ABHD2: variants seen among roughly 807,000 people sequenced by gnomAD.
ABHD2 encodes the protein monoacylglycerol lipase ABHD2.
ABHD2 carries 20 observed loss-of-function variants against 48.1 expected under a neutral mutation model. The observed-to-expected ratio is 0.42, with a 90% confidence interval of 0.29 to 0.60. The LOEUF (loss-of-function observed/expected upper bound fraction) is 0.60. Among genes scored for constraint, ABHD2 ranks in the 20% least tolerant of loss-of-function variants. ABHD2 has a pLI of 0.24. For missense variants in ABHD2, 405 were observed against 550.9 expected (o/e 0.74, Z 2.65); for synonymous variants, 209 against 214.2 (o/e 0.98, Z 0.21).
rs2051007474 is a variant in ABHD2 at position 89,176,045 on chromosome 15, A to G, written c.722+50A>G. ...GGGCCTTCAGTTAGCCCTTATTTAT[A>G]GAGATGCCCCGACGCACAACACACT... is the stretch of plus-strand genomic sequence containing the variant. On this transcript the variant is annotated intron_variant, in intron 6 of 10. Coordinates refer to ENST00000352732, the MANE Select transcript of ABHD2 (RefSeq NM_152924.5). The surrounding 1 kb of genome is among the most constrained non-coding windows in gnomAD (Gnocchi z 4.5). 4.6e-6 allele frequency: 7 copies of G among 1,522,698 alleles called. No homozygotes were observed. The highest frequency in any genetic ancestry group is 6.2e-6 in the Non-Finnish European group (7 of 1,128,020). The allele number at this position is 1,522,698 out of a possible 1,614,324, so 94.3% of individuals were successfully genotyped here.
the ABHD2 span, among the ~76,000 whole-genome samples, chr15:89,060,478 C>A: frequency 3.1e-4 from 47 of 152,082 alleles, 1 homozygote; most frequent in African/African-American, 1.1e-3. Context: ...CCATGAAGAA[C>A]ACAGATATAA....
intron 1 of ABHD2, among the ~76,000 whole-genome samples, chr15:89,111,263 GA>G (rs759640433): frequency 1.3e-5 from 2 of 152,146 alleles, no homozygotes; most frequent in East Asian, 3.9e-4. Flanking sequence ...TTGGGAAATA[GA>G]AAAAAAGAAG....
chr15:89,122,868 T>G (rs2050073656), intron 3 of ABHD2, among the ~76,000 whole-genome samples: 1 of 152,190 alleles, frequency 6.6e-6, no homozygotes, highest in African/African-American at 2.4e-5. Context: ...AGGAGTGTGA[T>G]GGAGGACTTG....
chr15:89,158,907 A>C (rs2050717424), intron 5 of ABHD2, among the ~76,000 whole-genome samples: 1 of 151,552 alleles, frequency 6.6e-6, no homozygotes, highest in East Asian at 2.0e-4. Flanking sequence ...CAAGTGATCC[A>C]CCCACTTCGC....
the ABHD2 span, among the ~76,000 whole-genome samples, chr15:89,072,029 C>G: frequency 6.6e-6 from 1 of 152,210 alleles, no homozygotes; most frequent in South Asian, 2.1e-4. Context: ...ACTGGGATAG[C>G]TGGTCACCCA....
chr15:89,185,333 C>A lies in ABHD2; in HGVS notation c.723-91C>A. On this transcript the variant is annotated intron_variant, in intron 6 of 10. Coordinates refer to ENST00000352732, the MANE Select transcript of ABHD2 (RefSeq NM_152924.5). The surrounding 1 kb of genome is among the most constrained non-coding windows in gnomAD (Gnocchi z 5.9). ...AGCCTGAGAGCCGGCCCTCTCCACACAAGCACCTCACCCCATGGCTAGAGC... is the reference window on the plus strand; with the variant it reads ...AGCCTGAGAGCCGGCCCTCTCCACAAAAGCACCTCACCCCATGGCTAGAGC... The A allele has an allele frequency of 3.1e-6, 3 of 956,868 alleles. No homozygotes were observed. Among genetic ancestry groups the A allele is most frequent in the Non-Finnish European group, 4.9e-6 (3 of 608,538 alleles). 59.3% of individuals were successfully genotyped at this position (956,868 alleles called of 1,614,324 possible). A position where few individuals can be genotyped will look rare whatever the true frequency, so the allele number is the denominator to read the frequency against.
rs2150913857 is a variant in ABHD2 at position 89,167,113 on chromosome 15, C to G, written c.539-8699C>G. On this transcript the variant is annotated intron_variant, in intron 5 of 10. Transcript: ENST00000352732. This position sits in a 1 kb window ranked among gnomAD's most constrained non-coding sequence, Gnocchi z 5.5. ...AGAGATCACCCATGATCCAAGACAT[C>G]TCACTGTAAGAGCTTCAGGCAGTGA... 6.6e-6 allele frequency among the ~76,000 whole-genome samples: 1 copy of G among 152,286 alleles called. No homozygotes were observed. The highest frequency in any genetic ancestry group is 2.1e-4 in the South Asian group (1 of 4,826).
At chr15:89,194,467 C>A (rs2051361471) in intron 10 of ABHD2, among the ~76,000 whole-genome samples, 1 of 152,092 alleles carries the variant, frequency 6.6e-6, no homozygotes, top group Non-Finnish European at 1.5e-5. Flanking sequence ...AAAATAAAGT[C>A]AAGCTCTAGG....
the ABHD2 span, among the ~76,000 whole-genome samples, chr15:89,082,280 T>C: frequency 6.6e-6 from 1 of 152,228 alleles, no homozygotes; most frequent in South Asian, 2.1e-4. This position sits in a 1 kb window ranked among gnomAD's most constrained non-coding sequence, Gnocchi z 4.4. Context: ...ATTATCAATG[T>C]GGTTTGCAGA....
chr15:89,117,222 C>T (rs1358151075), intron 3 of ABHD2, among the ~76,000 whole-genome samples: 4 of 152,178 alleles, frequency 2.6e-5, no homozygotes, highest in Non-Finnish European at 4.4e-5. Flanking sequence ...GACGGGGTTT[C>T]GCCATGTTGG....
In ABHD2 at chr15:89,094,663, G is replaced by A. The variant is rs571060539; in HGVS notation, c.-107+6100G>A. On this transcript the variant is annotated intron_variant, in intron 1 of 10. Coordinates refer to ENST00000352732, the MANE Select transcript of ABHD2 (RefSeq NM_152924.5). The surrounding 1 kb of genome is among the most constrained non-coding windows in gnomAD (Gnocchi z 4.7). ...GCAGAGGCTGCCGTGAGCCAAGATC[G>A]CACCACTGCACTCCAGCCTGGGCGG... 1.6e-4 allele frequency among the ~76,000 whole-genome samples: 25 copies of A among 152,108 alleles called. No homozygotes were observed. The highest frequency in any genetic ancestry group is 3.4e-3 in the Middle Eastern group (1 of 294).
intron 6 of ABHD2, chr15:89,183,382 A>ATAT (rs57264552): frequency 0.01 from 555 of 54,868 alleles, 2 homozygotes; most frequent in African/African-American, 0.012. Context: ...AAAAAAAAAA[A>ATAT]AAATATATAT....
At chr15:89,118,945 C>T (rs968758163) in intron 3 of ABHD2, among the ~76,000 whole-genome samples, 3 of 152,182 alleles carry the variant, frequency 2.0e-5, no homozygotes, top group Admixed American at 6.5e-5. Flanking sequence ...CCCACCTCCT[C>T]CTATGGAAGT....
chr15:89,053,621 C>T, the ABHD2 span, among the ~76,000 whole-genome samples: 2 of 152,154 alleles, frequency 1.3e-5, no homozygotes, highest in Non-Finnish European at 2.9e-5. Context: ...AGGCACTAAG[C>T]AGAGGCCATG....
chr15:89,054,735 C>A, the ABHD2 span, among the ~76,000 whole-genome samples: 1 of 151,864 alleles, frequency 6.6e-6, no homozygotes, highest in Non-Finnish European at 1.5e-5. Context: ...GAAACAACCA[C>A]TGTTAATATT....
intron 5 of ABHD2, among the ~76,000 whole-genome samples, chr15:89,158,436 A>G (rs1248109715): frequency 6.6e-6 from 1 of 152,222 alleles, no homozygotes; most frequent in African/African-American, 2.4e-5. Flanking sequence ...TTACCACACC[A>G]GGTCAGGGGA....
rs1229326413 is a variant in ABHD2, at chr15:89,195,415, C to G, written c.1270C>G (p.Leu424Val). The change falls in exon 11 of 11, where the codon CTG becomes GTG. Residue 424 changes from leucine (L) to valine (V), a missense_variant. Leu to Val is a conservative substitution (Grantham distance 32, BLOSUM62 1). Transcript: ENST00000352732. The surrounding 1 kb of genome is among the most constrained non-coding windows in gnomAD (Gnocchi z 5.1). ...TGACACGGAGCAGGTGGAGGCCGACCTGGAGTGAGGCCTCCGGACTCTGGC... is the reference window on the plus strand; with the variant it reads ...TGACACGGAGCAGGTGGAGGCCGACGTGGAGTGAGGCCTCCGGACTCTGGC... The part of the protein sequence containing the change: ...CSDTEQVEAD[L>V]E 1 of 1,613,014 alleles carries G rather than the reference C, an allele frequency of 6.2e-7. No individual in the cohort carries two copies. The highest frequency in any genetic ancestry group is 1.3e-5 in the African/African-American group (1 of 74,922).
At position 89,167,434 on chromosome 15, in the gene ABHD2, G is replaced by C. The variant is rs1488275213; in HGVS notation, c.539-8378G>C. Among the ~76,000 whole-genome samples the C allele has an allele frequency of 2.0e-5, 3 of 152,178 alleles. No homozygotes were observed. Among genetic ancestry groups the C allele is most frequent in the African/African-American group, 7.2e-5 (3 of 41,428 alleles). On this transcript the variant is annotated intron_variant, in intron 5 of 10. Transcript: ENST00000352732. The surrounding 1 kb of genome is among the most constrained non-coding windows in gnomAD (Gnocchi z 5.5). ...ACTCAGACATCGTAGTAAAACACCTGGCAAGATCGTCTGCTGAGAGCCAGG... is the reference window on the plus strand; with the variant it reads ...ACTCAGACATCGTAGTAAAACACCTCGCAAGATCGTCTGCTGAGAGCCAGG...
At position 89,184,619 on chromosome 15, in the gene ABHD2, T is replaced by C. The variant is rs1215180503; in HGVS notation, c.723-805T>C. On this transcript the variant is annotated intron_variant, in intron 6 of 10. Transcript: ENST00000352732. This position sits in a 1 kb window ranked among gnomAD's most constrained non-coding sequence, Gnocchi z 5.1. ...TTCACCTGCTGTGTGGTCATGGACA[T>C]CTGGCTGGGGAAGCACATGGCCAGG... Among the ~76,000 whole-genome samples the C allele has an allele frequency of 6.6e-6, 1 of 152,210 alleles. No homozygotes were observed. Among genetic ancestry groups the C allele is most frequent in the Non-Finnish European group, 1.5e-5 (1 of 68,040 alleles).
Sources: gnomAD v4.1 joint callset for allele counts (sites outside exome capture counted in the v4.1 genomes callset) on GRCh38, gnomAD v4.1.1 for gene constraint, Gnocchi (gnomAD v3.1) non-coding constraint, MANE v1.5 for transcripts, NCBI Gene and HGNC (gene_info 2026-07-23, HGNC 2026-07-21) for gene names.